WSB2: variants seen among roughly 807,000 people sequenced by gnomAD.
The protein encoded by WSB2 is WD repeat and SOCS box containing 2, also known as WD repeat and SOCS box-containing protein 2.
WSB2 carries 12 observed loss-of-function variants against 48.8 expected under a neutral mutation model. The ratio of observed to expected loss-of-function variants is 0.25; its 90% CI spans 0.16 to 0.40. The LOEUF (loss-of-function observed/expected upper bound fraction) is 0.40, where lower values mean the gene tolerates loss of function less well. Ranked by LOEUF, WSB2 falls within the 10% of genes least tolerant of loss-of-function variation. The pLI is 1.00. For missense variants in WSB2, 317 were observed against 506.2 expected (o/e 0.63, Z 3.59); for synonymous variants, 191 against 203.1 (o/e 0.94, Z 0.51).
rs570295403 is a variant in WSB2, at chr12:118,035,228, C to T, written c.930G>A (p.Thr310=). ...CTCTTCGTTACCTGTCATCTGCCAC[C>T]GTGGCAAGGTACAAGCCTTCTGGAG... ...CFSPEGLYLA[T]VADDRLLRIW... The change falls in exon 7 of 9, where the codon ACG becomes ACA. Residue 310 remains threonine (T), a synonymous_variant. Transcript: ENST00000315436. 17 of 1,614,168 alleles carry T rather than the reference C, an allele frequency of 1.1e-5. No homozygotes were observed. The highest frequency in any genetic ancestry group is 1.6e-4 in the Middle Eastern group (1 of 6,062).
At chr12:118,040,739 A>G (rs2031619059) in intron 4 of WSB2, among the ~76,000 whole-genome samples, 1 of 151,854 alleles carries the variant, frequency 6.6e-6, no homozygotes, top group South Asian at 2.1e-4. Flanking sequence ...CAGGTTCCAC[A>G]GTACTGGGCA....
intron 4 of WSB2, 81 bp from the exon 5 acceptor site, chr12:118,038,469 C>G: frequency 5.3e-6 from 7 of 1,316,600 alleles, no homozygotes; most frequent in Non-Finnish European, 7.5e-6. Context: ...GGGGTGGTAA[C>G]AGCCCCCAGC....
At chr12:118,059,632 T>G (rs1025303690) in intron 1 of WSB2, among the ~76,000 whole-genome samples, 1 of 152,128 alleles carries the variant, frequency 6.6e-6, no homozygotes, top group African/African-American at 2.4e-5. Context: ...ACCCCAGAAC[T>G]GGAAACAGAT....
At chr12:118,054,690 T>TAAC (rs2137796720) in intron 1 of WSB2, among the ~76,000 whole-genome samples, 1 of 106,210 alleles carries the variant, frequency 9.4e-6, no homozygotes, top group African/African-American at 2.8e-5. Context: ...AAAATAATAA[T>TAAC]AATAATAATA....
At chr12:118,062,166 C>G, upstream of WSB2, 1 of 1,535,382 alleles carries the variant, frequency 6.5e-7, no homozygotes. Context: ...CCCGCATAGC[C>G]TCAAGAAATG....
chr12:118,043,954 T>TA lies in WSB2; in HGVS notation c.183-578dup, dbSNP rs975217806. Among the ~76,000 whole-genome samples, 358 of 140,468 alleles carry TA rather than the reference T, an allele frequency of 2.5e-3. 2 individuals carry two copies. The highest frequency in any genetic ancestry group is 3.3e-3 in the Non-Finnish European group (211 of 64,042). The allele number at this position is 140,468 out of a possible 152,430, so 92.2% of individuals were successfully genotyped here. ...CAACATGGTGAAACCCCATCTCTACTAAAAAAAAAAAACAATTCGCCGGGC... is the reference window on the plus strand; with the variant it reads ...CAACATGGTGAAACCCCATCTCTACTAAAAAAAAAAAAACAATTCGCCGGGC... On this transcript the variant is annotated intron_variant, in intron 2 of 8. Transcript: ENST00000315436.
At position 118,038,382 on chromosome 12, in the gene WSB2, T is replaced by G. The variant is rs1307949281; in HGVS notation, c.566A>C (p.Gln189Pro). 1.2e-6 allele frequency: 2 copies of G among 1,614,004 alleles called. No individual in the cohort carries two copies. Among genetic ancestry groups the G allele is most frequent in the Non-Finnish European group, 1.7e-6 (2 of 1,179,974 alleles). The change falls in exon 5 of 9, where the codon CAG becomes CCG. Residue 189 changes from glutamine to proline, a missense_variant. Physicochemically the swap from Gln to Pro is moderately conservative, Grantham distance 76. Around this residue, in one of 2 missense-constraint regions of WSB2, gnomAD observed 189 missense variants for 349.6 expected, o/e 0.54. Coordinates refer to ENST00000315436, the MANE Select transcript of WSB2 (RefSeq NM_018639.5). The part of the protein sequence containing the change: ...RIWDLNKHGK[Q>P]IQVLSGHLQW... ...CAGGTGGCCCGATAACACTTGAATCTGTTTACCTGGCAGGAAAAAGAAGCA... is the reference window on the plus strand; with the variant it reads ...CAGGTGGCCCGATAACACTTGAATCGGTTTACCTGGCAGGAAAAAGAAGCA...
intron 2 of WSB2, among the ~76,000 whole-genome samples, chr12:118,045,692 C>T (rs2031732023): frequency 6.9e-6 from 1 of 144,854 alleles, no homozygotes; most frequent in Non-Finnish European, 1.5e-5. Context: ...GCCTGGGTGA[C>T]AGAGTCAGAC....
At position 118,060,957 on chromosome 12, in the gene WSB2, C is replaced by CCCCGG; in HGVS notation, c.13+78_13+79insCCGGG. On this transcript the variant is annotated intron_variant, in intron 1 of 8. Transcript: ENST00000315436. The surrounding 1 kb of genome is among the most constrained non-coding windows in gnomAD (Gnocchi z 4.1). Reference sequence around the variant, plus strand: ...CCGCCCCACCCCGCCCAGCCCGCCCCGGGGTCGCCTCCCCCCTCCCCGGGG... The same window carrying CCCCGG: ...CCGCCCCACCCCGCCCAGCCCGCCCCCCCGGGGGGTCGCCTCCCCCCTCCCCGGGG... 8 of 719,590 alleles carry CCCCGG rather than the reference C, an allele frequency of 1.1e-5. No homozygotes were observed. The highest frequency in any genetic ancestry group is 6.3e-5 in the Admixed American group (1 of 15,898). The allele number at this position is 719,590 out of a possible 1,614,324, so 44.6% of individuals were successfully genotyped here. A position where few individuals can be genotyped will look rare whatever the true frequency, so the allele number is the denominator to read the frequency against.
intron 1 of WSB2, among the ~76,000 whole-genome samples, chr12:118,059,859 A>G (rs1055222229): frequency 2.0e-5 from 3 of 152,230 alleles, no homozygotes; most frequent in African/African-American, 4.8e-5. Flanking sequence ...GCCTGACTTC[A>G]GCAAACAAAG....
Position 118,040,192 on chromosome 12 carries a change from T to C in WSB2, c.560-1804A>G, listed in dbSNP as rs79091085. ...TGTCTCAAAAAATAAAGGTCAATCA[T>C]GGTTTCTTCAGCTGTCAAATCTCAG... On this transcript the variant is annotated intron_variant, in intron 4 of 8. Transcript: ENST00000315436. 2.7e-3 allele frequency among the ~76,000 whole-genome samples: 415 copies of C among 152,060 alleles called. 1 individual carries two copies. The highest frequency in any genetic ancestry group is 0.027 in the East Asian group (138 of 5,118).
Position 118,034,136 on chromosome 12 carries a change from G to A in WSB2, c.*60C>T. 1 of 1,600,092 alleles carries A rather than the reference G, an allele frequency of 6.2e-7. No individual in the cohort carries two copies. The highest frequency in any genetic ancestry group is 1.1e-5 in the South Asian group (1 of 90,422). ...ACCAGATGTTTGGCCCATTATTCCAGCAACTCCCTTTGACAGGACGATTTA... is the reference window on the plus strand; with the variant it reads ...ACCAGATGTTTGGCCCATTATTCCAACAACTCCCTTTGACAGGACGATTTA... On this transcript the variant is annotated 3_prime_UTR_variant, in exon 9 of 9. Coordinates refer to ENST00000315436, the MANE Select transcript of WSB2 (RefSeq NM_018639.5).
At chr12:118,036,188 C>CGA in intron 6 of WSB2, 150 bp downstream of exon 6, 1 of 943,574 alleles carries the variant, frequency 1.1e-6, no homozygotes, top group Non-Finnish European at 1.6e-6. Context: ...GGTGACAGAG[C>CGA]GAGACTCCGT....
chr12:118,036,796 T>TTC (rs2031521454), intron 5 of WSB2, among the ~76,000 whole-genome samples: 2 of 150,158 alleles, frequency 1.3e-5, no homozygotes, highest in Non-Finnish European at 3.0e-5. Context: ...GTGCAGAGAC[T>TTC]TCTGAGTCTG....
chr12:118,034,476 G>T, intron 8 of WSB2, 118 bp from the exon 9 acceptor site: 1 of 1,225,138 alleles, frequency 8.2e-7, no homozygotes, highest in Non-Finnish European at 1.1e-6. Flanking sequence ...AGAGTGAAAT[G>T]TAACCCTGAC....
intron 4 of WSB2, among the ~76,000 whole-genome samples, chr12:118,040,693 G>C (rs1039801313): frequency 6.6e-6 from 1 of 151,576 alleles, no homozygotes; most frequent in Non-Finnish European, 1.5e-5. Context: ...TGGAGAAGCT[G>C]TCCTGATCAG....
intron 1 of WSB2, among the ~76,000 whole-genome samples, chr12:118,055,607 CTTTTTT>C (rs748354611): frequency 7.3e-5 from 6 of 81,678 alleles, no homozygotes; most frequent in African/African-American, 2.1e-4. Context: ...CTACATTATC[CTTTTTT>C]TTTTTTTTTT....
chr12:118,034,251 A>G lies in WSB2; in HGVS notation c.1160T>C (p.Leu387Pro). The change falls in exon 9 of 9, where the codon CTA (leucine) becomes CCA (proline). Residue 387 changes from leucine to proline, a missense_variant. Leu to Pro is a moderately conservative substitution (Grantham distance 98, BLOSUM62 -3). This residue lies in a region of WSB2 where 189 missense variants were observed against 349.6 expected (regional missense o/e 0.54). Coordinates refer to ENST00000315436, the MANE Select transcript of WSB2 (RefSeq NM_018639.5). ...CATTTTCTTGGGGATTGGCAGTGCT[A>G]GGACTTGGTAAGTTGTTAGGAAACT... Reference protein sequence around the residue: ...LRSFLTTYQVLALPIPKKMKE... With the variant: ...LRSFLTTYQVPALPIPKKMKE... 1 of 1,614,214 alleles carries G rather than the reference A, an allele frequency of 6.2e-7. No homozygotes were observed.
In WSB2 at chr12:118,034,192, T is replaced by G. The variant is rs150766658; in HGVS notation, c.*4A>C. On this transcript the variant is annotated 3_prime_UTR_variant, in exon 9 of 9. Transcript: ENST00000315436. ...CTACAAAGAAGCACAAGATGTGGTG[T>G]TGCTTAAAAAGTCCTGTATGTGAGG... The G allele has an allele frequency of 8.5e-4, 1,370 of 1,614,148 alleles. 2 individuals are homozygous for G. The highest frequency in any genetic ancestry group is 1.1e-3 in the Non-Finnish European group (1,283 of 1,180,010).
Sources: allele counts gnomAD v4.1 joint callset (sites outside exome capture counted in the v4.1 genomes callset), GRCh38; gene constraint gnomAD v4.1.1; regional missense constraint gnomAD v4.1.1; non-coding constraint Gnocchi (gnomAD v3.1); transcripts MANE v1.5; gene names NCBI Gene and HGNC (gene_info 2026-07-23, HGNC 2026-07-21).